Variants in MAP3K15 observed in about 807,000 individuals in gnomAD.
The protein encoded by MAP3K15 is MAPK/ERK kinase kinase 15.
A neutral mutation model predicts 99.5 loss-of-function variants in MAP3K15; 124 were observed. The ratio of observed to expected loss-of-function variants is 1.25; its 90% CI spans 1.08 to 1.45. The LOEUF is 1.45. MAP3K15 is among the 40% of genes most tolerant of loss of function. The probability of loss-of-function intolerance (pLI) is 0.00; values close to 1 mark genes in which losing one functional copy is unlikely to be tolerated. For missense variants in MAP3K15, 1,242 were observed against 1,079.7 expected (o/e 1.15, Z -2.11); for synonymous variants, 494 against 439.6 (o/e 1.12, Z -1.55).
chrX:19,394,996 T>C, intron 16 of MAP3K15, 85 bp downstream of exon 16: 1 of 1,097,617 alleles, frequency 9.1e-7, no homozygotes, highest in Admixed American at 2.3e-5. Context: ...TAGGGGTCTG[T>C]CATTTTGTAA....
intron 15 of MAP3K15, among the ~76,000 whole-genome samples, chrX:19,397,599 G>T (rs1468691710): frequency 1.8e-5 from 2 of 111,537 alleles, no homozygotes; most frequent in Non-Finnish European, 3.8e-5. Context: ...GAGTGACAGA[G>T]TGAGACTTCA....
At chrX:19,443,457 G>A (rs1197107085) in intron 6 of MAP3K15, among the ~76,000 whole-genome samples, 1 of 112,040 alleles carries the variant, frequency 8.9e-6, no homozygotes, top group Non-Finnish European at 1.9e-5. Flanking sequence ...ACAGCAGGAG[G>A]GATGATAGGT....
intron 9 of MAP3K15, among the ~76,000 whole-genome samples, chrX:19,424,265 TACACACATATATAC>T (rs1292717753): frequency 9.5e-6 from 1 of 105,266 alleles, no homozygotes; most frequent in East Asian, 2.9e-4. Context: ...CACATATATA[TACACACATATATAC>T]ACACATATAT....
At chrX:19,486,292 A>G (rs1163097071) in intron 3 of MAP3K15, among the ~76,000 whole-genome samples, 190 bp downstream of exon 3, 1 of 111,821 alleles carries the variant, frequency 8.9e-6, no homozygotes, top group Non-Finnish European at 1.9e-5. Flanking sequence ...CCACTGCCTC[A>G]ATGGCTGAGT....
At chrX:19,506,767 G>A (rs939297187) in intron 1 of MAP3K15, among the ~76,000 whole-genome samples, 1 of 110,971 alleles carries the variant, frequency 9.0e-6, no homozygotes, top group Non-Finnish European at 1.9e-5. Flanking sequence ...CCAATGATCC[G>A]CCTGCCTTGG....
Position 19,360,516 on chromosome X carries a change from C to T in MAP3K15, c.*233G>A, listed in dbSNP as rs187083263. 22 of 306,944 alleles carry T rather than the reference C, an allele frequency of 7.2e-5. No individual in the cohort carries two copies. Among genetic ancestry groups the T allele is most frequent in the South Asian group, 3.2e-4 (7 of 21,992 alleles). 25.3% of individuals were successfully genotyped at this position (306,944 alleles called of 1,213,427 possible). A position where few individuals can be genotyped will look rare whatever the true frequency, so the allele number is the denominator to read the frequency against. On this transcript the variant is annotated 3_prime_UTR_variant, in exon 29 of 29. Transcript: ENST00000338883. ...ACTACAAGTGAATTTCCTAATATTC[C>T]GGGAGGTCAAAACCAAGGCTCACTG...
At chrX:19,383,629 T>A (rs750907133) in intron 18 of MAP3K15, among the ~76,000 whole-genome samples, 1 of 112,331 alleles carries the variant, frequency 8.9e-6, no homozygotes, top group South Asian at 3.7e-4. Context: ...CACACAACTC[T>A]ATAAGAAAAC....
intron 3 of MAP3K15, among the ~76,000 whole-genome samples, chrX:19,480,952 A>C (rs1430769312): frequency 9.2e-6 from 1 of 108,238 alleles, no homozygotes; most frequent in Admixed American, 1.0e-4. Context: ...CCATCTCTAC[A>C]AAAAATAAAA....
chrX:19,377,460 C>G (rs768098925), intron 19 of MAP3K15, among the ~76,000 whole-genome samples: 1 of 111,185 alleles, frequency 9.0e-6, no homozygotes, highest in Non-Finnish European at 1.9e-5. Flanking sequence ...AGGAGAATCG[C>G]TTGAACCCGG....
chrX:19,374,945 TA>T (rs2063407005), intron 19 of MAP3K15, among the ~76,000 whole-genome samples: 1 of 110,887 alleles, frequency 9.0e-6, no homozygotes, highest in African/African-American at 3.3e-5. Flanking sequence ...TAGTCACCCT[TA>T]AAGCCCCGAG....
rs748852260 is a variant in MAP3K15 at position 19,488,813 on chromosome X, G to A, written c.501+15C>T. 2 of 1,192,928 alleles carry A rather than the reference G, an allele frequency of 1.7e-6. No individual in the cohort carries two copies. The highest frequency in any genetic ancestry group is 2.2e-6 in the Non-Finnish European group (2 of 889,865). Reference sequence around the variant, plus strand: ...CCCAAAACAAAGTACTCAGGAGAAGGTGAATACACTGTACCTTCAAAGAGA... The same window carrying A: ...CCCAAAACAAAGTACTCAGGAGAAGATGAATACACTGTACCTTCAAAGAGA... On this transcript the variant is annotated intron_variant, in intron 2 of 28. Transcript: ENST00000338883.
chrX:19,477,358 G>A (rs1018775943), intron 3 of MAP3K15, among the ~76,000 whole-genome samples: 3 of 111,481 alleles, frequency 2.7e-5, no homozygotes, highest in African/African-American at 9.8e-5. Context: ...AAGACAAAAA[G>A]ACTAACAACC....
At chrX:19,420,005 C>G (rs1197745374) in intron 9 of MAP3K15, among the ~76,000 whole-genome samples, 1 of 111,715 alleles carries the variant, frequency 9.0e-6, no homozygotes, top group East Asian at 2.8e-4. Context: ...AAAAAAGACA[C>G]AACATACCAG....
intron 1 of MAP3K15, among the ~76,000 whole-genome samples, chrX:19,502,984 G>A (rs1175544613): frequency 9.0e-6 from 1 of 111,724 alleles, no homozygotes; most frequent in Non-Finnish European, 1.9e-5. Flanking sequence ...AACTTTGAGA[G>A]ACCAGTTACA....
At chrX:19,488,421 ATAT>A (rs1858487835) in intron 2 of MAP3K15, among the ~76,000 whole-genome samples, 1 of 112,017 alleles carries the variant, frequency 8.9e-6, no homozygotes, top group African/African-American at 3.2e-5. Context: ...CAATGTCTTC[ATAT>A]TATTATCCAA....
intron 18 of MAP3K15, among the ~76,000 whole-genome samples, chrX:19,385,883 T>C (rs1238332823): frequency 1.8e-5 from 2 of 112,009 alleles, no homozygotes; most frequent in Admixed American, 9.5e-5. Flanking sequence ...CATCTTTCCA[T>C]GTAACTGGAA....
intron 7 of MAP3K15, among the ~76,000 whole-genome samples, chrX:19,428,229 C>T (rs745748772): frequency 2.7e-5 from 3 of 111,792 alleles, no homozygotes; most frequent in South Asian, 3.8e-4. Context: ...ACAGCCACCA[C>T]GCCCTGAGCA....
intron 6 of MAP3K15, among the ~76,000 whole-genome samples, chrX:19,446,840 A>T (rs1172883428): frequency 9.0e-6 from 1 of 111,451 alleles, no homozygotes; most frequent in African/African-American, 3.3e-5. Context: ...CCCAGCCTAC[A>T]GCCTTCCCTT....
chrX:19,412,625 G>A lies in MAP3K15; in HGVS notation c.1698+732C>T, dbSNP rs747437290. On this transcript the variant is annotated intron_variant, in intron 11 of 28. Transcript: ENST00000338883. The stretch of plus-strand genomic sequence containing the variant: ...AAGGGAGGGGGCAGGATTATATAGG[G>A]AGGGACTTGAACACTTAGTAAAAGA... Among the ~76,000 whole-genome samples the A allele has an allele frequency of 1.6e-4, 18 of 111,723 alleles. No homozygotes were observed. The East Asian group carries it at 2.5e-3, about 16-fold the overall frequency.
Sources: allele counts gnomAD v4.1 joint callset (sites outside exome capture counted in the v4.1 genomes callset), GRCh38; gene constraint gnomAD v4.1.1; transcripts MANE v1.5; gene names NCBI Gene and HGNC (gene_info 2026-07-23, HGNC 2026-07-21).